Variants in USP15 observed in about 807,000 individuals in gnomAD.
The protein encoded by USP15 is ubiquitin specific peptidase 15.
Under a neutral mutation model 127.1 loss-of-function variants are expected in USP15, and 18 were observed. That is an observed-to-expected ratio of 0.14 (90% confidence interval 0.10 to 0.21). The LOEUF (loss-of-function observed/expected upper bound fraction) is 0.21. USP15 is among the 10% of genes least tolerant of loss of function. The pLI is 1.00. For synonymous variants in USP15, 364 were observed against 393.7 expected (o/e 0.92, Z 0.89); for missense variants, 805 against 1,159.9 (o/e 0.69, Z 4.44).
intron 6 of USP15, 42 bp from the exon 7 acceptor site, chr12:62,349,176 ATTC>A (rs750982258): frequency 1.1e-5 from 13 of 1,169,402 alleles, no homozygotes; most frequent in Non-Finnish European, 1.4e-5. Context: ...TAATTTAAAA[ATTC>A]TTCATTTTTT....
Position 62,389,782 on chromosome 12 carries a change from G to C in USP15, c.1653-15G>C. 6.2e-7 allele frequency: 1 copy of C among 1,606,442 alleles called. No individual in the cohort carries two copies. The highest frequency in any genetic ancestry group is 8.5e-7 in the Non-Finnish European group (1 of 1,175,608). ...ATAAAATTTTGAGAGTTTATGGTCA[G>C]TTTTGTCCTTGTAGGTTTGAAATTA... On this transcript the variant is annotated splice_polypyrimidine_tract_variant and intron_variant, in intron 13 of 21. Coordinates refer to ENST00000280377, the MANE Select transcript of USP15 (RefSeq NM_001252078.2).
intron 2 of USP15, chr12:62,294,511 A>G (rs1194337670): frequency 6.7e-6 from 3 of 446,716 alleles, no homozygotes; most frequent in African/African-American, 6.2e-5. Flanking sequence ...TTTTTCATTT[A>G]TGATGTAATA....
At chr12:62,277,136 ATTTTGGATAACCC>A (rs1341123470) in intron 1 of USP15, among the ~76,000 whole-genome samples, 2 of 152,152 alleles carry the variant, frequency 1.3e-5, no homozygotes, top group African/African-American at 4.8e-5. Context: ...TTTCTGGCAG[ATTTTGGATAACCC>A]TCCTTGCACC....
chr12:62,266,319 A>G (rs918577371), intron 1 of USP15, among the ~76,000 whole-genome samples: 2 of 152,194 alleles, frequency 1.3e-5, no homozygotes, highest in Non-Finnish European at 1.5e-5. Context: ...TTGGTTTACT[A>G]TAAGCCACAA....
intron 6 of USP15, among the ~76,000 whole-genome samples, chr12:62,344,774 TACAC>T (rs746347739): frequency 3.0e-4 from 45 of 152,310 alleles, no homozygotes; most frequent in Non-Finnish European, 5.9e-4. Flanking sequence ...TTGACTTCTG[TACAC>T]ACACAGGCCC....
At position 62,294,233 on chromosome 12, in the gene USP15, C is replaced by T; in HGVS notation, c.144C>T (p.Asp48=). The part of the protein sequence containing the change: ...FKQWKKYVGF[D]SWDKYQMGDQ... The stretch of plus-strand genomic sequence containing the variant: ...AGTGGAAAAAATATGTTGGCTTTGA[C>T]AGTTGGGACAAATACCAGATGGGAG... The change falls in exon 2 of 22, where the codon GAC becomes GAT. Residue 48 remains aspartate (D), a synonymous_variant. Coordinates refer to ENST00000280377, the MANE Select transcript of USP15 (RefSeq NM_001252078.2). 1.2e-6 allele frequency: 2 copies of T among 1,613,604 alleles called. No homozygotes were observed. Among genetic ancestry groups the T allele is most frequent in the South Asian group, 1.1e-5 (1 of 91,066 alleles).
intron 1 of USP15, 23 bp from the exon 2 acceptor site, chr12:62,294,156 A>T (rs1225255617): frequency 6.2e-7 from 1 of 1,607,738 alleles, no homozygotes; most frequent in Non-Finnish European, 8.5e-7. Context: ...TATTTTCCTT[A>T]ACCAATTTCT....
chr12:62,355,409 T>C lies in USP15; in HGVS notation c.849T>C (p.Asn283=). ...NYDYSEPGRN[N]EQPGLCGLSN... ...ATTATTCGGAACCTGGAAGAAACAATGAACAGCCAGGCCTCTGTGGCCTAA... is the reference window on the plus strand; with the variant it reads ...ATTATTCGGAACCTGGAAGAAACAACGAACAGCCAGGCCTCTGTGGCCTAA... Residue 283 remains asparagine, a synonymous_variant, in exon 8 of 22, where the codon AAT becomes AAC. Transcript: ENST00000280377. 1 of 1,611,466 alleles carries C rather than the reference T, an allele frequency of 6.2e-7. No homozygotes were observed. Among genetic ancestry groups the C allele is most frequent in the African/African-American group, 1.3e-5 (1 of 74,946 alleles).
At chr12:62,350,020 A>T (rs938808716) in intron 7 of USP15, among the ~76,000 whole-genome samples, 3 of 150,386 alleles carry the variant, frequency 2.0e-5, no homozygotes, top group African/African-American at 7.3e-5. Flanking sequence ...TTATCCTTTT[A>T]TTTTTTTTTG....
rs2063138859 is a variant in USP15, at chr12:62,264,085, A to G, written c.89+3582A>G. Among the ~76,000 whole-genome samples the G allele has an allele frequency of 2.0e-5, 3 of 152,274 alleles. No homozygotes were observed. In the South Asian group the frequency reaches 6.2e-4, roughly 32 times the overall value. ...TCACCGCAACCACCTCCAGGGTTCA[A>G]GTGATCCTCCCACCTCAGCCTCCGC... On this transcript the variant is annotated intron_variant, in intron 1 of 21. Transcript: ENST00000280377.
In USP15 at chr12:62,349,094, AT is replaced by A. The variant is rs1034934687; in HGVS notation, c.684-123del. On this transcript the variant is annotated intron_variant, in intron 6 of 21. Coordinates refer to ENST00000280377, the MANE Select transcript of USP15 (RefSeq NM_001252078.2). ...AATTGAAAACCAAAGGATAATAGTGATTTTGCTCATAAATCTATTTTTCAGC... is the reference window on the plus strand; with the variant it reads ...AATTGAAAACCAAAGGATAATAGTGATTTGCTCATAAATCTATTTTTCAGC... The A allele has an allele frequency of 1.5e-5, 8 of 518,866 alleles. No homozygotes were observed. The African/African-American group carries it at 1.6e-4, about 10-fold the overall frequency. 32.1% of individuals were successfully genotyped at this position (518,866 alleles called of 1,614,324 possible).
rs1316117405 is a variant in USP15, at chr12:62,346,680, C to T, written c.684-2541C>T. ...GTCTTTTTCTCTTCCTTAAAAGTTC[C>T]TAGAATAGAAATCTGATTTTGTTGA... On this transcript the variant is annotated intron_variant, in intron 6 of 21. Transcript: ENST00000280377. Among the ~76,000 whole-genome samples the T allele has an allele frequency of 4.6e-5, 7 of 152,276 alleles. 1 individual carries two copies. The highest frequency in any genetic ancestry group is 6.8e-3 in the Middle Eastern group (2 of 294).
intron 1 of USP15, among the ~76,000 whole-genome samples, chr12:62,292,714 C>G (rs1395122441): frequency 6.6e-6 from 1 of 152,176 alleles, no homozygotes; most frequent in Non-Finnish European, 1.5e-5. Flanking sequence ...CATTCACTTG[C>G]AGCCCCAAGC....
chr12:62,330,634 T>G (rs1300171305), intron 6 of USP15, among the ~76,000 whole-genome samples: 5 of 149,922 alleles, frequency 3.3e-5, no homozygotes, highest in African/African-American at 1.2e-4. Flanking sequence ...GAAAAGCACA[T>G]TTTAGGCTGA....
chr12:62,337,789 T>C (rs553677572), intron 6 of USP15, among the ~76,000 whole-genome samples: 3 of 152,258 alleles, frequency 2.0e-5, no homozygotes, highest in Admixed American at 2.0e-4. Flanking sequence ...GCTTCACCCA[T>C]GTCCCTGCAA....
chr12:62,399,525 T>C (rs2067608325), intron 20 of USP15, among the ~76,000 whole-genome samples: 1 of 152,200 alleles, frequency 6.6e-6, no homozygotes, highest in African/African-American at 2.4e-5. Flanking sequence ...TTCTTCTAGA[T>C]TGTTTTCTCA....
chr12:62,336,060 C>A, intron 6 of USP15: 1 of 985,176 alleles, frequency 1.0e-6, no homozygotes, highest in South Asian at 4.7e-5. Flanking sequence ...CGGTGCAGTG[C>A]AGCTTCACTA....
At chr12:62,350,255 A>G (rs1302804585) in intron 7 of USP15, among the ~76,000 whole-genome samples, 2 of 152,076 alleles carry the variant, frequency 1.3e-5, no homozygotes, top group African/African-American at 2.4e-5. Context: ...TTTAAAATTA[A>G]AACACCAATA....
At position 62,301,792 on chromosome 12, in the gene USP15, G is replaced by A. The variant is rs77916898; in HGVS notation, c.218-998G>A. ...GTTTATATCTTATTGGGAATACTGTGTTCTCATTATTGAAATGCTACCAAG... is the reference window on the plus strand; with the variant it reads ...GTTTATATCTTATTGGGAATACTGTATTCTCATTATTGAAATGCTACCAAG... On this transcript the variant is annotated intron_variant, in intron 2 of 21. Coordinates refer to ENST00000280377, the MANE Select transcript of USP15 (RefSeq NM_001252078.2). 3.1e-3 allele frequency among the ~76,000 whole-genome samples: 472 copies of A among 152,182 alleles called. 1 individual carries two copies. Among genetic ancestry groups the A allele is most frequent in the African/African-American group, 9.9e-3 (410 of 41,512 alleles).
Sources: allele counts gnomAD v4.1 joint callset (sites outside exome capture counted in the v4.1 genomes callset), GRCh38; gene constraint gnomAD v4.1.1; transcripts MANE v1.5; gene names NCBI Gene and HGNC (gene_info 2026-07-23, HGNC 2026-07-21).